HDAC9: variants seen among roughly 807,000 people sequenced by gnomAD.
The protein encoded by HDAC9 is MEF-2 interacting transcription repressor (MITR) protein.
HDAC9 carries 41 observed loss-of-function variants against 139.4 expected under a neutral mutation model. The observed-to-expected ratio is 0.29, with a 90% CI of 0.23 to 0.38. HDAC9 has a LOEUF of 0.38. Ranked by LOEUF, HDAC9 falls within the 10% of genes least tolerant of loss-of-function variation. HDAC9 has a pLI of 1.00. For synonymous variants in HDAC9, 517 were observed against 476.2 expected (o/e 1.09, Z -1.12); for missense variants, 1,147 against 1,297.0 (o/e 0.88, Z 1.78).
chr7:18,564,333 T>C (rs914486304), intron 2 of HDAC9, among the ~76,000 whole-genome samples: 8 of 152,218 alleles, frequency 5.3e-5, no homozygotes, highest in Admixed American at 6.5e-5. Flanking sequence ...GTAAGAGCTT[T>C]ATTGATAAAT....
intron 17 of HDAC9, among the ~76,000 whole-genome samples, chr7:18,824,920 C>A (rs944322422): frequency 4.6e-5 from 7 of 152,104 alleles, no homozygotes; most frequent in African/African-American, 1.4e-4. Flanking sequence ...TATATAAAAA[C>A]AAAATCAACA....
chr7:18,980,152 C>T (rs1463765949), intron 25 of HDAC9, among the ~76,000 whole-genome samples: 1 of 152,082 alleles, frequency 6.6e-6, no homozygotes, highest in African/African-American at 2.4e-5. Context: ...ATTTTCCCAA[C>T]GTGTCTAACA....
intron 1 of HDAC9, chr7:18,458,731 C>T: frequency 1.5e-6 from 1 of 687,748 alleles, no homozygotes; most frequent in East Asian, 2.7e-5. Context: ...AGCTGTAGAC[C>T]TCTACTCAGA....
intron 2 of HDAC9, among the ~76,000 whole-genome samples, chr7:18,233,010 G>A (rs1321207208): frequency 6.6e-6 from 1 of 152,060 alleles, no homozygotes; most frequent in Non-Finnish European, 1.5e-5. Context: ...AAAGGAATAA[G>A]CAATTTTGTC....
intron 7 of HDAC9, among the ~76,000 whole-genome samples, 192 bp from the exon 8 acceptor site, chr7:18,634,435 A>G (rs778048640): frequency 1.1e-4 from 17 of 151,952 alleles, no homozygotes; most frequent in Non-Finnish European, 2.4e-4. Context: ...TTTTGCCATG[A>G]AAACAAAGGA....
chr7:18,968,601 A>G (rs947732687), intron 24 of HDAC9, among the ~76,000 whole-genome samples: 3 of 152,138 alleles, frequency 2.0e-5, no homozygotes, highest in African/African-American at 4.8e-5. Context: ...TGCAGCATAG[A>G]GAAGAAGAAC....
In HDAC9 at chr7:18,354,462, C is replaced by T. The variant is rs546027852; in HGVS notation, c.-42+63947C>T. 2.0e-4 allele frequency among the ~76,000 whole-genome samples: 30 copies of T among 152,242 alleles called. 1 individual carries two copies. In the South Asian group the frequency reaches 4.1e-3, roughly 21 times the overall value. ...CTTGAAAGAGGAGAGAAGAATTAAT[C>T]GCAACTAATGTGCAGATTTAGGCTT... is the stretch of plus-strand genomic sequence containing the variant. On this transcript the variant is annotated intron_variant, in intron 1 of 3. Transcript: ENST00000413509.
intron 2 of HDAC9, among the ~76,000 whole-genome samples, chr7:18,270,100 G>A (rs1015869945): frequency 3.9e-5 from 6 of 152,032 alleles, no homozygotes; most frequent in Admixed American, 3.9e-4. Flanking sequence ...AACCAAAAAT[G>A]TCTTTAGGCA....
At chr7:18,786,976 A>G (rs73310546) in intron 16 of HDAC9, among the ~76,000 whole-genome samples, 12,078 of 151,810 alleles carry the variant, frequency 0.08, 1,202 homozygotes, top group African/African-American at 0.24. Context: ...AGAAACAGAA[A>G]ATGTGCTTCC....
At position 18,404,380 on chromosome 7, in the gene HDAC9, A is replaced by AGATAAATGTTTTTTATCT. The variant is rs1787818217; in HGVS notation, c.-41-91882_-41-91881insGATAAATGTTTTTTATCT. Among the ~76,000 whole-genome samples the AGATAAATGTTTTTTATCT allele has an allele frequency of 3.9e-5, 6 of 152,296 alleles. No individual in the cohort carries two copies. The South Asian group carries it at 1.2e-3, about 32-fold the overall frequency. ...AAATCATGTAAACGATTTATCCTGAATGAAAGAGCAATGTCACATTAGAAG... is the reference window on the plus strand; with the variant it reads ...AAATCATGTAAACGATTTATCCTGAAGATAAATGTTTTTTATCTTGAAAGAGCAATGTCACATTAGAAG... On this transcript the variant is annotated intron_variant, in intron 1 of 3. Coordinates refer to the HDAC9 transcript ENST00000413509.
chr7:18,627,345 A>G (rs772559474), intron 6 of HDAC9, among the ~76,000 whole-genome samples: 39 of 152,192 alleles, frequency 2.6e-4, no homozygotes, highest in Non-Finnish European at 5.4e-4. Flanking sequence ...CTGAGAATCT[A>G]TGATTTCCTA....
chr7:18,936,522 A>G (rs1160373092), intron 23 of HDAC9, among the ~76,000 whole-genome samples: 1 of 152,210 alleles, frequency 6.6e-6, no homozygotes, highest in Admixed American at 6.5e-5. Context: ...ACATTGCAAC[A>G]TACTTTCTGA....
intron 1 of HDAC9, among the ~76,000 whole-genome samples, chr7:18,359,407 A>T (rs1189783788): frequency 6.6e-6 from 1 of 152,176 alleles, no homozygotes; most frequent in East Asian, 1.9e-4. Flanking sequence ...GGAGGGAAGG[A>T]TATTTGCTGT....
chr7:18,506,233 GA>G (rs1366406850), intron 2 of HDAC9, among the ~76,000 whole-genome samples: 1 of 152,168 alleles, frequency 6.6e-6, no homozygotes, highest in Admixed American at 6.5e-5. Context: ...GCCACCTTGA[GA>G]GAAAAGGGAG....
Position 18,351,446 on chromosome 7 carries a change from A to G in HDAC9, c.-42+60931A>G, listed in dbSNP as rs530689628. Among the ~76,000 whole-genome samples the G allele has an allele frequency of 4.6e-5, 7 of 152,320 alleles. No homozygotes were observed. The South Asian group carries it at 1.4e-3, about 32-fold the overall frequency. Reference sequence around the variant, plus strand: ...TGTGTTATGAATTGTAAAATAAAACAAAAATCCCCCAAAACAAAAAAAGAC... The same window carrying G: ...TGTGTTATGAATTGTAAAATAAAACGAAAATCCCCCAAAACAAAAAAAGAC... On this transcript the variant is annotated intron_variant, in intron 1 of 3. Transcript: ENST00000413509.
At chr7:18,901,204 A>T (rs926882959) in intron 22 of HDAC9, among the ~76,000 whole-genome samples, 1 of 136,954 alleles carries the variant, frequency 7.3e-6, no homozygotes, top group Non-Finnish European at 1.5e-5. Context: ...TATACTATAT[A>T]TACATATATA....
At chr7:18,946,655 C>G (rs1782426068) in intron 23 of HDAC9, among the ~76,000 whole-genome samples, 1 of 151,904 alleles carries the variant, frequency 6.6e-6, no homozygotes, top group Non-Finnish European at 1.5e-5. Flanking sequence ...AGCATGAAAA[C>G]ATATTAAGTA....
intron 1 of HDAC9, among the ~76,000 whole-genome samples, chr7:18,356,122 AAAG>A (rs952647279): frequency 1.2e-4 from 18 of 151,778 alleles, no homozygotes; most frequent in African/African-American, 3.6e-4. Context: ...AAAAACTAAA[AAAG>A]AAAAAAAGGA....
At chr7:18,816,747 C>T (rs780249339) in intron 17 of HDAC9, among the ~76,000 whole-genome samples, 3 of 152,164 alleles carry the variant, frequency 2.0e-5, no homozygotes, top group East Asian at 1.9e-4. Flanking sequence ...TCTAACTCAA[C>T]AATTTTTAAC....
Sources: gnomAD v4.1 joint callset for allele counts (sites outside exome capture counted in the v4.1 genomes callset) on GRCh38, gnomAD v4.1.1 for gene constraint, MANE v1.5 for transcripts, NCBI Gene and HGNC (gene_info 2026-07-23, HGNC 2026-07-21) for gene names.